DLGAP2: variants seen among roughly 807,000 people sequenced by gnomAD.
DLGAP2 encodes the protein disks large-associated protein 2.
In DLGAP2, 26 loss-of-function variants were observed where a neutral mutation model predicts 100.3. The observed-to-expected ratio is 0.26, with a 90% CI of 0.19 to 0.36. The LOEUF is 0.36. Ranked by LOEUF, DLGAP2 falls within the 10% of genes least tolerant of loss-of-function variation. The pLI is 1.00. For missense variants in DLGAP2, 1,858 were observed against 1,453.2 expected (o/e 1.28, Z -4.53); for synonymous variants, 886 against 630.1 (o/e 1.41, Z -6.08).
intron 8 of DLGAP2, among the ~76,000 whole-genome samples, chr8:1,648,191 T>A (rs2130805651): frequency 6.6e-6 from 1 of 152,322 alleles, no homozygotes; most frequent in Middle Eastern, 3.4e-3. Context: ...TGAGAGTTTG[T>A]CCTAACTTAG....
chr8:1,442,506 G>A (rs1333827209), intron 3 of DLGAP2, among the ~76,000 whole-genome samples: 1 of 147,788 alleles, frequency 6.8e-6, no homozygotes, highest in African/African-American at 2.5e-5. Context: ...ACGGATCCGG[G>A]CATAGACCCG....
At chr8:822,098 T>C (rs920460502) in intron 1 of DLGAP2, 3 of 399,148 alleles carry the variant, frequency 7.5e-6, no homozygotes, top group African/African-American at 6.2e-5. Context: ...CTAGGCTTTC[T>C]CGCCATCCGA....
intron 1 of DLGAP2, among the ~76,000 whole-genome samples, chr8:762,606 G>A (rs918570207): frequency 6.6e-6 from 1 of 151,976 alleles, no homozygotes; most frequent in Non-Finnish European, 1.5e-5. Context: ...GCCCTACCAC[G>A]GCAGCCACCC....
intron 4 of DLGAP2, among the ~76,000 whole-genome samples, chr8:1,518,165 C>T (rs778973073): frequency 1.3e-5 from 2 of 152,218 alleles, no homozygotes; most frequent in Non-Finnish European, 2.9e-5. Flanking sequence ...TGTTATGTGA[C>T]TTGTCCGTAC....
chr8:1,275,716 A>ATG (rs34271225), intron 3 of DLGAP2, among the ~76,000 whole-genome samples: 1 of 32,266 alleles, frequency 3.1e-5, no homozygotes, highest in Non-Finnish European at 8.2e-5. Flanking sequence ...CTAATAGGAC[A>ATG]TATATATATA....
chr8:1,162,787 C>T (rs573951622), intron 2 of DLGAP2, among the ~76,000 whole-genome samples: 455 of 152,286 alleles, frequency 3.0e-3, no homozygotes, highest in African/African-American at 8.7e-3. Flanking sequence ...GTCTGTACGG[C>T]GCTGTGGCCG....
At chr8:1,352,113 T>C (rs1209347019) in intron 3 of DLGAP2, among the ~76,000 whole-genome samples, 1 of 72,052 alleles carries the variant, frequency 1.4e-5, no homozygotes, top group African/African-American at 4.6e-5. Context: ...GGGTCCTGAG[T>C]GTGTGTGGAA....
chr8:1,435,680 G>T (rs186097679), intron 3 of DLGAP2, among the ~76,000 whole-genome samples: 6 of 151,828 alleles, frequency 4.0e-5, no homozygotes, highest in Admixed American at 2.0e-4. Context: ...CCCTGGGCCA[G>T]TCCTTCAGGA....
rs1039586060 is a variant in DLGAP2 at position 1,678,445 on chromosome 8, C to A, written c.2520C>A (p.Ser840=). The change falls in exon 12 of 15, where the codon TCC becomes TCA. Residue 840 remains serine, a synonymous_variant. Transcript: ENST00000637795. The part of the protein sequence containing the change: ...REDYRTQVDT[S]TLPPPDPWLE... Reference sequence around the variant, plus strand: ...ACTATCGGACCCAAGTGGACACCTCCACCCTGCCCCCTCCAGACCCCTGGC... The same window carrying A: ...ACTATCGGACCCAAGTGGACACCTCAACCCTGCCCCCTCCAGACCCCTGGC... The A allele has an allele frequency of 1.2e-6, 2 of 1,613,628 alleles. No individual in the cohort carries two copies. The highest frequency in any genetic ancestry group is 2.2e-5 in the South Asian group (2 of 91,040).
chr8:980,925 A>G (rs1341190603), intron 2 of DLGAP2, among the ~76,000 whole-genome samples: 2 of 152,170 alleles, frequency 1.3e-5, no homozygotes, highest in Non-Finnish European at 2.9e-5. Context: ...GGCAAAATGT[A>G]CATAACATAA....
intron 6 of DLGAP2, among the ~76,000 whole-genome samples, chr8:1,580,902 T>C (rs1803215817): frequency 7.2e-6 from 1 of 139,478 alleles, no homozygotes; most frequent in Admixed American, 7.3e-5. Flanking sequence ...ACCCCACACA[T>C]CTATACACCA....
intron 2 of DLGAP2, among the ~76,000 whole-genome samples, chr8:1,181,346 C>T (rs138266067): frequency 1.3e-5 from 2 of 152,238 alleles, no homozygotes; most frequent in Non-Finnish European, 2.9e-5. Flanking sequence ...ACTGTTTGAT[C>T]TTTAACAATG....
intron 3 of DLGAP2, among the ~76,000 whole-genome samples, chr8:1,273,055 G>T (rs1339058125): frequency 6.6e-6 from 1 of 152,130 alleles, no homozygotes; most frequent in Non-Finnish European, 1.5e-5. Context: ...TGACCACTGG[G>T]GTTGATCCTG....
intron 3 of DLGAP2, among the ~76,000 whole-genome samples, chr8:1,495,596 C>T (rs2130300524): frequency 6.6e-6 from 1 of 152,334 alleles, no homozygotes; most frequent in African/African-American, 2.4e-5. Flanking sequence ...GTGATTGAAA[C>T]GTTTGCCTCT....
intron 2 of DLGAP2, among the ~76,000 whole-genome samples, chr8:1,161,509 G>T (rs1219711738): frequency 6.6e-6 from 1 of 152,152 alleles, no homozygotes; most frequent in Non-Finnish European, 1.5e-5. Flanking sequence ...GATGTGTGGG[G>T]GCCGGCACAG....
At position 1,441,675 on chromosome 8, in the gene DLGAP2, C is replaced by G. The variant is rs557174098; in HGVS notation, c.107-59691C>G. On this transcript the variant is annotated intron_variant, in intron 3 of 14. Transcript: ENST00000637795. The stretch of plus-strand genomic sequence containing the variant: ...TGCACTCCAGCCTGGGCAACATAGA[C>G]TCCATCTCAAAAAAAAAAAAAAAAA... 3.8e-3 allele frequency among the ~76,000 whole-genome samples: 526 copies of G among 140,082 alleles called. 3 individuals are homozygous for G. Among genetic ancestry groups the G allele is most frequent in the African/African-American group, 0.014 (507 of 36,286 alleles). 91.9% of individuals were successfully genotyped at this position (140,082 alleles called of 152,430 possible). A position where few individuals can be genotyped will look rare whatever the true frequency, so the allele number is the denominator to read the frequency against.
intron 2 of DLGAP2, among the ~76,000 whole-genome samples, chr8:1,113,659 T>G (rs1805029030): frequency 6.6e-6 from 1 of 152,292 alleles, no homozygotes; most frequent in East Asian, 1.9e-4. Context: ...GTACTTTGAC[T>G]TCCTCTCTTT....
At chr8:1,149,613 C>T (rs576910352) in intron 2 of DLGAP2, among the ~76,000 whole-genome samples, 10 of 152,216 alleles carry the variant, frequency 6.6e-5, no homozygotes, top group South Asian at 6.2e-4. Context: ...ATTCTTTAAG[C>T]ATATAGTTGT....
chr8:1,543,454 C>A (rs531928128), intron 4 of DLGAP2, among the ~76,000 whole-genome samples: 3 of 152,216 alleles, frequency 2.0e-5, no homozygotes, highest in African/African-American at 7.2e-5. Flanking sequence ...CTATTCTTTC[C>A]CCTCTGGGTG....
Sources: gnomAD v4.1 joint callset for allele counts (sites outside exome capture counted in the v4.1 genomes callset) on GRCh38, gnomAD v4.1.1 for gene constraint, MANE v1.5 for transcripts, NCBI Gene and HGNC (gene_info 2026-07-23, HGNC 2026-07-21) for gene names.